The following CAMK1D variants were observed in gnomAD, a reference collection of about 807,000 sequenced individuals.
CAMK1D encodes the protein calcium/calmodulin dependent protein kinase ID.
A neutral mutation model predicts 47.7 loss-of-function variants in CAMK1D; 9 were observed. That is an observed-to-expected ratio of 0.19 (90% CI 0.11 to 0.33). The LOEUF (loss-of-function observed/expected upper bound fraction) is 0.33. Ranked by LOEUF, CAMK1D falls within the 10% of genes least tolerant of loss-of-function variation. CAMK1D has a pLI of 1.00. For synonymous variants in CAMK1D, 184 were observed against 184.9 expected (o/e 0.99, Z 0.04); for missense variants, 291 against 488.7 (o/e 0.60, Z 3.81).
intron 2 of CAMK1D, among the ~76,000 whole-genome samples, chr10:12,556,434 C>T (rs1836763272): frequency 6.6e-6 from 1 of 152,116 alleles, no homozygotes. Flanking sequence ...AGTAGCATGG[C>T]CAGGGCCTCA....
intron 1 of CAMK1D, among the ~76,000 whole-genome samples, chr10:12,396,954 G>A (rs1190657398): frequency 1.3e-5 from 2 of 152,218 alleles, no homozygotes; most frequent in Non-Finnish European, 2.9e-5. Flanking sequence ...AGCTGTGTTT[G>A]TGTGATTTTA....
intron 1 of CAMK1D, among the ~76,000 whole-genome samples, chr10:12,489,486 A>G (rs142448659): frequency 0.011 from 1,682 of 152,318 alleles, 32 homozygotes; most frequent in African/African-American, 0.038. Context: ...TTGTGCTTCC[A>G]TAAGGATCAT....
chr10:12,813,689 C>T (rs947369390), intron 6 of CAMK1D, among the ~76,000 whole-genome samples: 3 of 152,092 alleles, frequency 2.0e-5, no homozygotes, highest in Non-Finnish European at 2.9e-5. Context: ...CCTATCCTTG[C>T]GGAATGTGTG....
chr10:12,639,948 C>T (rs878958227), intron 2 of CAMK1D, among the ~76,000 whole-genome samples: 6 of 152,168 alleles, frequency 3.9e-5, no homozygotes, highest in Non-Finnish European at 7.3e-5. Context: ...TAGCTCTGCT[C>T]GCACAATTGC....
intron 4 of CAMK1D, among the ~76,000 whole-genome samples, chr10:12,764,383 A>AAAAAAAAAC (rs1554822761): frequency 1.4e-5 from 2 of 148,144 alleles, no homozygotes; most frequent in Non-Finnish European, 3.0e-5. Context: ...CTTTGTCTCA[A>AAAAAAAAAC]AAAAAAAAAA....
chr10:12,767,648 A>G (rs1425046373), intron 4 of CAMK1D, among the ~76,000 whole-genome samples: 2 of 152,198 alleles, frequency 1.3e-5, no homozygotes, highest in African/African-American at 2.4e-5. Flanking sequence ...TACATTGGCT[A>G]GGTATGAAAA....
intron 2 of CAMK1D, among the ~76,000 whole-genome samples, chr10:12,601,159 G>A (rs1838288519): frequency 6.7e-6 from 1 of 149,330 alleles, no homozygotes; most frequent in Admixed American, 6.7e-5. Flanking sequence ...TGGGATTGCT[G>A]GATAAAATGA....
At chr10:12,611,609 T>TTTTTTTTTTTTTTTTTTTTTTTTTTTG (rs1554796845) in intron 2 of CAMK1D, among the ~76,000 whole-genome samples, 3 of 124,710 alleles carry the variant, frequency 2.4e-5, no homozygotes, top group Non-Finnish European at 5.0e-5. Flanking sequence ...TTTTTTTTTT[T>TTTTTTTTTTTTTTTTTTTTTTTTTTTG]GAGACAGAGT....
intron 3 of CAMK1D, among the ~76,000 whole-genome samples, chr10:12,695,022 C>CGATA (rs563091966): frequency 0.085 from 12,191 of 143,970 alleles, 588 homozygotes; most frequent in African/African-American, 0.12. Flanking sequence ...ATAAATCTCT[C>CGATA]GATAGATAGA....
intron 2 of CAMK1D, among the ~76,000 whole-genome samples, chr10:12,566,876 C>T (rs938246928): frequency 2.0e-5 from 3 of 152,168 alleles, no homozygotes; most frequent in Non-Finnish European, 2.9e-5. Flanking sequence ...CAATTAGATG[C>T]GCTGTTCTTT....
chr10:12,571,632 C>A (rs757651578), intron 2 of CAMK1D, among the ~76,000 whole-genome samples: 9 of 152,074 alleles, frequency 5.9e-5, no homozygotes, highest in African/African-American at 9.7e-5. Flanking sequence ...AACCTCGCTG[C>A]CTATTCTGTT....
chr10:12,761,084 A>G lies in CAMK1D; in HGVS notation c.436A>G (p.Lys146Glu). ...AATGGGCATCGTCCACAGAGACCTC[A>G]AGGTGAGGCCATCGCTCAGCAGCAT... is the stretch of plus-strand genomic sequence containing the variant. ...HRMGIVHRDL[K>E]PENLLYYSQD... Residue 146 changes from lysine to glutamate, a missense_variant and splice_region_variant, in exon 4 of 11, where the codon AAG becomes GAG. By Grantham distance (56) the Lys-to-Glu change is moderately conservative. Transcript: ENST00000619168. The G allele has an allele frequency of 3.1e-6, 5 of 1,613,666 alleles. No individual in the cohort carries two copies. The highest frequency in any genetic ancestry group is 4.2e-6 in the Non-Finnish European group (5 of 1,179,658).
chr10:12,460,826 C>T (rs1282725456), intron 1 of CAMK1D, among the ~76,000 whole-genome samples: 1 of 152,182 alleles, frequency 6.6e-6, no homozygotes, highest in Non-Finnish European at 1.5e-5. Context: ...CTCAGCCTCC[C>T]AAAGTGCTGG....
At chr10:12,749,531 GTTTGTTTGTTTGTTTGTTT>G (rs1451456940) in intron 3 of CAMK1D, among the ~76,000 whole-genome samples, 2 of 133,190 alleles carry the variant, frequency 1.5e-5, no homozygotes, top group South Asian at 2.3e-4. Flanking sequence ...GTGGATGTTT[GTTTGTTTGTTTGTTTGTTT>G]TTTGTTTGTT....
chr10:12,715,505 T>A (rs1834092793), intron 3 of CAMK1D, among the ~76,000 whole-genome samples: 1 of 152,266 alleles, frequency 6.6e-6, no homozygotes, highest in African/African-American at 2.4e-5. Flanking sequence ...CTGTGCAAAC[T>A]TAACTTTTGG....
At chr10:12,462,046 C>T (rs531125091) in intron 1 of CAMK1D, among the ~76,000 whole-genome samples, 3 of 151,904 alleles carry the variant, frequency 2.0e-5, no homozygotes, top group Admixed American at 6.6e-5. Flanking sequence ...AGAATGAGTG[C>T]GTGCTCCTAA....
At chr10:12,485,427 G>A (rs1156331980) in intron 1 of CAMK1D, among the ~76,000 whole-genome samples, 1 of 152,170 alleles carries the variant, frequency 6.6e-6, no homozygotes, top group Non-Finnish European at 1.5e-5. Context: ...TGGTGGTGAA[G>A]CTTGGGCCCC....
At chr10:12,578,570 C>CAAAAAAAAAAAAA (rs781669327) in intron 2 of CAMK1D, among the ~76,000 whole-genome samples, 1 of 93,334 alleles carries the variant, frequency 1.1e-5, no homozygotes, top group Non-Finnish European at 2.0e-5. Flanking sequence ...AACTCCATCT[C>CAAAAAAAAAAAAA]AAAAAAAAAA....
At chr10:12,464,813 T>A (rs1305914541) in intron 1 of CAMK1D, among the ~76,000 whole-genome samples, 1 of 79,358 alleles carries the variant, frequency 1.3e-5, no homozygotes, top group African/African-American at 5.5e-5. Context: ...AGACTCCATC[T>A]TAAAAAAAAA....
Sources: allele counts gnomAD v4.1 joint callset (sites outside exome capture counted in the v4.1 genomes callset), GRCh38; gene constraint gnomAD v4.1.1; transcripts MANE v1.5; gene names NCBI Gene and HGNC (gene_info 2026-07-23, HGNC 2026-07-21).